ZNF226: variants seen among roughly 807,000 people sequenced by gnomAD.
ZNF226 encodes the protein Kruppel-associated box protein.
ZNF226 carries 6 observed loss-of-function variants against 11.4 expected under a neutral mutation model. That is an observed-to-expected ratio of 0.53 (90% CI 0.29 to 1.04). The LOEUF (loss-of-function observed/expected upper bound fraction) is 1.04. Among genes scored for constraint, ZNF226 ranks in the 50% least tolerant of loss-of-function variants. The pLI, the probability that ZNF226 is intolerant of heterozygous loss-of-function variation, is 0.08. For synonymous variants in ZNF226, 350 were observed against 322.8 expected, an observed-to-expected ratio of 1.08 and a Z score of -0.90; for missense variants, 1,058 against 956.5, an observed-to-expected ratio of 1.11 and a Z score of -1.40.
intron 5 of ZNF226, 199 bp from the exon 6 acceptor site, chr19:44,175,299 G>A: frequency 1.4e-6 from 2 of 1,403,698 alleles, no homozygotes; most frequent in Non-Finnish European, 1.8e-6. Context: ...TAGCAATTGG[G>A]AGCTTGGTGG....
chr19:44,195,263 G>A, the ZNF226 span, among the ~76,000 whole-genome samples: 2 of 152,110 alleles, frequency 1.3e-5, no homozygotes, highest in African/African-American at 4.8e-5. Flanking sequence ...ACCAAACGAA[G>A]GACGTCTGAG....
chr19:44,182,845 G>A (rs1301760762), downstream of ZNF226, among the ~76,000 whole-genome samples: 1 of 152,166 alleles, frequency 6.6e-6, no homozygotes, highest in Non-Finnish European at 1.5e-5. Flanking sequence ...TTCATAGATT[G>A]TGGTGTCCCT....
chr19:44,176,197 G>T lies in ZNF226; in HGVS notation c.935G>T (p.Cys312Phe). The T allele has an allele frequency of 6.2e-7, 1 of 1,614,150 alleles. No homozygotes were observed. Among genetic ancestry groups the T allele is most frequent in the Non-Finnish European group, 8.5e-7 (1 of 1,179,992 alleles). ...GGAGAAAAACTTAAGTGTGATGAGT[G>T]TGGTAAGGAATTCAGTCAGGGCGCT... ...HVGEKLKCDECGKEFSQGAHL... is the reference protein window; with the variant it reads ...HVGEKLKCDEFGKEFSQGAHL... Residue 312 changes from cysteine to phenylalanine, a missense_variant, in exon 6 of 6, where the codon TGT (cysteine) becomes TTT (phenylalanine). Coordinates refer to ENST00000337433, the MANE Select transcript of ZNF226 (RefSeq NM_001032373.2).
chr19:44,192,508 C>A, the ZNF226 span, among the ~76,000 whole-genome samples: 11 of 150,536 alleles, frequency 7.3e-5, no homozygotes, highest in African/African-American at 2.7e-4. Context: ...GTAAAAAAAA[C>A]AAACCTTAAT....
Position 44,173,024 on chromosome 19 carries a change from C to T in ZNF226, c.235+72C>T. 2.1e-6 allele frequency: 3 copies of T among 1,413,912 alleles called. No individual in the cohort carries two copies. The South Asian group carries it at 3.8e-5, about 18-fold the overall frequency. The allele number at this position is 1,413,912 out of a possible 1,614,324, so 87.6% of individuals were successfully genotyped here. A position where few individuals can be genotyped will look rare whatever the true frequency, so the allele number is the denominator to read the frequency against. ...CTTTGCTTCTTCTTAGCCTTGTTGC[C>T]ATCACCTGGTCCAAATTGCCAACTG... is the stretch of plus-strand genomic sequence containing the variant. On this transcript the variant is annotated intron_variant, in intron 5 of 5. Coordinates refer to ENST00000337433, the MANE Select transcript of ZNF226 (RefSeq NM_001032373.2).
At position 44,176,365 on chromosome 19, in the gene ZNF226, G is replaced by A; in HGVS notation, c.1103G>A (p.Cys368Tyr). ...TAEKPYNCEE[C>Y]GRAFSQASHL... ...GAGAAACCTTATAATTGTGAGGAGT[G>A]TGGGAGGGCCTTCAGTCAGGCCTCT... The change falls in exon 6 of 6, where the codon TGT becomes TAT. Residue 368 changes from cysteine (C) to tyrosine (Y), a missense_variant. Coordinates refer to ENST00000337433, the MANE Select transcript of ZNF226 (RefSeq NM_001032373.2). 6.2e-7 allele frequency: 1 copy of A among 1,614,226 alleles called. No individual in the cohort carries two copies. Among genetic ancestry groups the A allele is most frequent in the Non-Finnish European group, 8.5e-7 (1 of 1,180,038 alleles).
chr19:44,172,437 A>G (rs773444721), intron 4 of ZNF226: 35 of 470,198 alleles, frequency 7.4e-5, no homozygotes, highest in Middle Eastern at 6.0e-4. Context: ...TGCCTTGTCT[A>G]TTCTTTTTCA....
downstream of ZNF226, among the ~76,000 whole-genome samples, chr19:44,183,124 G>T (rs1340610244): frequency 6.6e-6 from 1 of 152,174 alleles, no homozygotes; most frequent in African/African-American, 2.4e-5. Flanking sequence ...ATTTAATGGA[G>T]CTGTGATTAG....
At chr19:44,194,340 A>G in the ZNF226 span, among the ~76,000 whole-genome samples, 4 of 152,070 alleles carry the variant, frequency 2.6e-5, no homozygotes, top group Non-Finnish European at 4.4e-5. Flanking sequence ...GCAGTGGTAC[A>G]ATCACAGCTC....
rs375437017 is a variant in ZNF226 at position 44,172,121 on chromosome 19, T to C, written c.49T>C (p.Phe17Leu). Reference protein sequence around the residue: ...AVTFKDVAVAFTEEELGLLGP... With the variant: ...AVTFKDVAVALTEEELGLLGP... Reference sequence around the variant, plus strand: ...GACCTTCAAGGACGTGGCTGTGGCCTTCACGGAGGAGGAATTGGGGCTGCT... The same window carrying C: ...GACCTTCAAGGACGTGGCTGTGGCCCTCACGGAGGAGGAATTGGGGCTGCT... The change falls in exon 4 of 6, where the codon TTC becomes CTC. Residue 17 changes from phenylalanine (F) to leucine (L), a missense_variant. Phe to Leu is a conservative substitution (Grantham distance 22). Transcript: ENST00000337433. 5.0e-6 allele frequency: 8 copies of C among 1,612,916 alleles called. No individual in the cohort carries two copies. In the African/African-American group the frequency reaches 1.1e-4, roughly 22 times the overall value.
At chr19:44,172,711 A>C in intron 4 of ZNF226, 149 bp from the exon 5 acceptor site, 2 of 642,184 alleles carry the variant, frequency 3.1e-6, no homozygotes, top group South Asian at 4.4e-5. Context: ...TCATGAAATA[A>C]ATGGTGTTTC....
At chr19:44,192,635 G>T in the ZNF226 span, among the ~76,000 whole-genome samples, 57,055 of 152,042 alleles carry the variant, frequency 0.38, 12,556 homozygotes, top group South Asian at 0.55. Context: ...AATTTGAAAA[G>T]CTTCAAAAGG....
At chr19:44,177,767 A>G, downstream of ZNF226, 1 of 1,334,930 alleles carries the variant, frequency 7.5e-7, no homozygotes, top group Non-Finnish European at 1.0e-6. Context: ...CCAGTGGTCC[A>G]AAGACAACAA....
downstream of ZNF226, among the ~76,000 whole-genome samples, chr19:44,178,945 C>T (rs8107948): frequency 0.012 from 1,864 of 152,134 alleles, 43 homozygotes; most frequent in African/African-American, 0.043. Context: ...TTTGGGAGGC[C>T]GAGGTGGGTG....
At chr19:44,193,255 T>C in the ZNF226 span, among the ~76,000 whole-genome samples, 1 of 152,114 alleles carries the variant, frequency 6.6e-6, no homozygotes, top group South Asian at 2.1e-4. Flanking sequence ...ATATTATGTA[T>C]GTATAACACA....
At position 44,177,293 on chromosome 19, in the gene ZNF226, G is replaced by A. The variant is rs953199147; in HGVS notation, c.2031G>A (p.Gly677=). Reference sequence around the variant, plus strand: ...AGCCATACAAATGTGATGAGTGTGGGAAGGGCTTCAAGTGGAGCTTGAACC... The same window carrying A: ...AGCCATACAAATGTGATGAGTGTGGAAAGGGCTTCAAGTGGAGCTTGAACC... ...GDKPYKCDEC[G]KGFKWSLNLD... The change falls in exon 6 of 6, where the codon GGG becomes GGA. Residue 677 remains glycine, a synonymous_variant. Coordinates refer to ENST00000337433, the MANE Select transcript of ZNF226 (RefSeq NM_001032373.2). 3.1e-6 allele frequency: 5 copies of A among 1,614,058 alleles called. No individual in the cohort carries two copies. The highest frequency in any genetic ancestry group is 1.3e-5 in the African/African-American group (1 of 75,026).
chr19:44,165,328 G>C (rs1036149624), intron 1 of ZNF226, 186 bp downstream of exon 1: 1 of 152,184 alleles, frequency 6.6e-6, no homozygotes, highest in Non-Finnish European at 1.5e-5. Flanking sequence ...CGGGCGGCTG[G>C]GGTGATGCTT....
the ZNF226 span, among the ~76,000 whole-genome samples, chr19:44,191,645 A>G: frequency 7.2e-3 from 1,094 of 152,296 alleles, 11 homozygotes; most frequent in African/African-American, 0.025. Context: ...CCTGCCAAAA[A>G]TGTCAAAATG....
At chr19:44,177,705 C>T (rs769416856), downstream of ZNF226, 7 of 1,536,202 alleles carry the variant, frequency 4.6e-6, no homozygotes, top group Non-Finnish European at 8.7e-7. Flanking sequence ...CATTTGAATT[C>T]TTCCAGTTAT....
Sources: allele counts gnomAD v4.1 joint callset (sites outside exome capture counted in the v4.1 genomes callset), GRCh38; gene constraint gnomAD v4.1.1; transcripts MANE v1.5; gene names NCBI Gene and HGNC (gene_info 2026-07-23, HGNC 2026-07-21).